Variants in TNRC6C observed in about 807,000 individuals in gnomAD.
The protein encoded by TNRC6C is trinucleotide repeat-containing gene 6C protein.
TNRC6C carries 20 observed loss-of-function variants against 153.7 expected under a neutral mutation model. That is an observed-to-expected ratio of 0.13 (90% confidence interval 0.09 to 0.19). TNRC6C has a LOEUF of 0.19. Ranked by LOEUF, TNRC6C falls within the 10% of genes least tolerant of loss-of-function variation. TNRC6C has a pLI of 1.00. For missense variants in TNRC6C, 1,987 were observed against 2,172.0 expected (o/e 0.91, Z 1.69); for synonymous variants, 811 against 841.4 (o/e 0.96, Z 0.63).
At chr17:78,003,165 G>A (rs138580234), upstream of TNRC6C, among the ~76,000 whole-genome samples, 277 of 152,184 alleles carry the variant, frequency 1.8e-3, 1 homozygote, top group African/African-American at 6.3e-3. Flanking sequence ...AGGTTGGACT[G>A]GTAAAACAGC....
intron 1 of TNRC6C, among the ~76,000 whole-genome samples, chr17:77,995,851 G>C (rs192988929): frequency 1.3e-5 from 2 of 152,158 alleles, no homozygotes; most frequent in Admixed American, 1.3e-4. Flanking sequence ...TTTTCACAAC[G>C]TGGTACTTAA....
intron 14 of TNRC6C, among the ~76,000 whole-genome samples, chr17:78,092,129 G>A (rs1163729629): frequency 6.6e-6 from 1 of 152,168 alleles, no homozygotes; most frequent in Non-Finnish European, 1.5e-5. Context: ...ACCATAGGAG[G>A]TAATCTCACT....
chr17:78,071,242 T>C (rs1229500960), intron 6 of TNRC6C, 77 bp downstream of exon 8: 4 of 1,393,516 alleles, frequency 2.9e-6, no homozygotes, highest in Non-Finnish European at 2.0e-6. Flanking sequence ...TCTCCATGTT[T>C]GTTATGTGTG....
At chr17:77,973,348 A>G (rs1477833832) in intron 1 of TNRC6C, among the ~76,000 whole-genome samples, 19 of 152,250 alleles carry the variant, frequency 1.2e-4, no homozygotes, top group Admixed American at 1.2e-3. Context: ...TCAACTTGAT[A>G]AAAAGCACAT....
chr17:78,086,202 C>A (rs936703007), intron 11 of TNRC6C, among the ~76,000 whole-genome samples: 2 of 151,780 alleles, frequency 1.3e-5, no homozygotes, highest in Non-Finnish European at 2.9e-5. Flanking sequence ...TGGTGGCACA[C>A]GACTGCAATC....
chr17:78,027,951 A>G (rs2071975717), intron 1 of TNRC6C, among the ~76,000 whole-genome samples: 1 of 146,016 alleles, frequency 6.8e-6, no homozygotes, highest in Admixed American at 7.1e-5. Context: ...GCTGGAGTGC[A>G]GTGGTGCGAT....
intron 19 of TNRC6C, among the ~76,000 whole-genome samples, chr17:78,103,930 A>G (rs139199521): frequency 2.0e-5 from 3 of 152,320 alleles, no homozygotes; most frequent in African/African-American, 7.2e-5. Context: ...ACGTAGTCAC[A>G]TGGGGAGGTA....
In TNRC6C at chr17:78,079,585, G is replaced by A. The variant is rs1488626454; in HGVS notation, c.3357+44G>A. On this transcript the variant is annotated intron_variant, in intron 10 of 19. Transcript: ENST00000301624. The surrounding 1 kb of genome is among the most constrained non-coding windows in gnomAD (Gnocchi z 4.3). Reference sequence around the variant, plus strand: ...CAGGACTGAGCAACAGGATATAGATGCCAGTGTTTCGTGGGGTCCTGTGTT... The same window carrying A: ...CAGGACTGAGCAACAGGATATAGATACCAGTGTTTCGTGGGGTCCTGTGTT... 1 of 1,599,788 alleles carries A rather than the reference G, an allele frequency of 6.3e-7. No individual in the cohort carries two copies. Among genetic ancestry groups the A allele is most frequent in the African/African-American group, 1.3e-5 (1 of 74,676 alleles).
intron 17 of TNRC6C, among the ~76,000 whole-genome samples, chr17:78,099,946 C>T (rs1336383098): frequency 6.6e-6 from 1 of 152,222 alleles, no homozygotes; most frequent in Non-Finnish European, 1.5e-5. Flanking sequence ...GAGAAATTGG[C>T]CAAAACAGAG....
upstream of TNRC6C, among the ~76,000 whole-genome samples, chr17:77,999,217 A>C (rs1487752989): frequency 6.6e-6 from 1 of 152,232 alleles, no homozygotes. Flanking sequence ...CTCCTGGGAT[A>C]CGTCCAGCTC....
chr17:78,100,704 C>A (rs1266017895), intron 17 of TNRC6C, among the ~76,000 whole-genome samples: 1 of 151,928 alleles, frequency 6.6e-6, no homozygotes, highest in South Asian at 2.1e-4. Context: ...GATTAACATG[C>A]AGCTCCTCGT....
At chr17:78,054,452 C>CTG (rs1331698729) in intron 3 of TNRC6C, among the ~76,000 whole-genome samples, 1 of 151,986 alleles carries the variant, frequency 6.6e-6, no homozygotes, top group Non-Finnish European at 1.5e-5. Context: ...CTGCAGACTA[C>CTG]TGTATACTAC....
At chr17:78,003,899 T>G (rs1267154308), upstream of TNRC6C, among the ~76,000 whole-genome samples, 1 of 152,216 alleles carries the variant, frequency 6.6e-6, no homozygotes, top group Admixed American at 6.5e-5. Context: ...AGCTGTATCT[T>G]ACTCCATATC....
chr17:77,967,464 G>A (rs892048220), intron 1 of TNRC6C, among the ~76,000 whole-genome samples: 14 of 152,078 alleles, frequency 9.2e-5, no homozygotes, highest in Admixed American at 9.2e-4. Flanking sequence ...TTAGAATAAC[G>A]ATCAACTGTG....
intron 19 of TNRC6C, 138 bp downstream of exon 22, chr17:78,103,691 T>G (rs1472498098): frequency 3.9e-6 from 5 of 1,267,568 alleles, no homozygotes; most frequent in Non-Finnish European, 5.3e-6. Flanking sequence ...TTCTGGAGGC[T>G]GGAAGTCTGA....
At chr17:78,050,742 G>A (rs2072512020) in exon 3 of TNRC6C, 1 of 1,591,096 alleles carries the variant, frequency 6.3e-7, no homozygotes, top group Non-Finnish European at 8.6e-7. Context: ...CTTGGAGTGG[G>A]GCCGCAAATC....
At chr17:77,992,028 C>T (rs765762585) in intron 1 of TNRC6C, among the ~76,000 whole-genome samples, 4 of 152,092 alleles carry the variant, frequency 2.6e-5, no homozygotes, top group Non-Finnish European at 5.9e-5. Flanking sequence ...ATTTGAGGAG[C>T]GAATGAAGTC....
At chr17:78,050,234 C>G in exon 3 of TNRC6C, 1 of 1,539,232 alleles carries the variant, frequency 6.5e-7, no homozygotes, top group Non-Finnish European at 8.7e-7. Context: ...GCGGCATCTT[C>G]TGGAACTACA....
At chr17:78,028,107 T>C (rs570754050) in intron 1 of TNRC6C, among the ~76,000 whole-genome samples, 199 of 152,142 alleles carry the variant, frequency 1.3e-3, no homozygotes, top group Middle Eastern at 3.4e-3. Flanking sequence ...ACCGTGTTAG[T>C]CAGGATGGTC....
Sources: allele counts gnomAD v4.1 joint callset (sites outside exome capture counted in the v4.1 genomes callset), GRCh38; gene constraint gnomAD v4.1.1; non-coding constraint Gnocchi (gnomAD v3.1); transcripts MANE v1.5; gene names NCBI Gene and HGNC (gene_info 2026-07-23, HGNC 2026-07-21).